The following ZDHHC3 variants were observed in gnomAD, a reference collection of about 807,000 sequenced individuals.
The protein encoded by ZDHHC3 is zDHHC palmitoyltransferase 3.
Under a neutral mutation model 30.6 loss-of-function variants are expected in ZDHHC3, and 9 were observed. That is an observed-to-expected ratio of 0.29 (90% CI 0.18 to 0.51). The LOEUF is 0.51. ZDHHC3 is among the 20% of genes least tolerant of loss of function. The probability of loss-of-function intolerance (pLI) is 0.97; values close to 1 mark genes in which losing one functional copy is unlikely to be tolerated. For synonymous variants in ZDHHC3, 136 were observed against 140.2 expected (o/e 0.97, Z 0.21); for missense variants, 246 against 384.2 (o/e 0.64, Z 3.01).
chr3:44,928,327 GTCC>G (rs1701185101), intron 6 of ZDHHC3, among the ~76,000 whole-genome samples: 1 of 152,126 alleles, frequency 6.6e-6, no homozygotes, highest in Admixed American at 6.5e-5. Context: ...TTCTTTGCAC[GTCC>G]TCCTCTAAGC....
At chr3:44,968,379 C>G (rs1038473994) in intron 1 of ZDHHC3, among the ~76,000 whole-genome samples, 7 of 152,140 alleles carry the variant, frequency 4.6e-5, no homozygotes, top group African/African-American at 1.7e-4. Flanking sequence ...CTTTCACTGG[C>G]TTCTGGGCAC....
At chr3:44,930,646 G>A (rs1365360508) in intron 5 of ZDHHC3, among the ~76,000 whole-genome samples, 1 of 152,254 alleles carries the variant, frequency 6.6e-6, no homozygotes, top group Non-Finnish European at 1.5e-5. Flanking sequence ...TCAAATGTGG[G>A]AATGAGCTTG....
Position 44,922,106 on chromosome 3 carries a change from G to T in ZDHHC3, c.*4583C>A. On this transcript the variant is annotated 3_prime_UTR_variant, in exon 7 of 7. Transcript: ENST00000424952. The stretch of plus-strand genomic sequence containing the variant: ...AGAAGGTTCAGGTTGGGAGTACGCT[G>T]GTCAGTGGCTTGTTTCTGCTTCACT... 1 of 985,428 alleles carries T rather than the reference G, an allele frequency of 1.0e-6. No homozygotes were observed. Among genetic ancestry groups the T allele is most frequent in the Non-Finnish European group, 1.2e-6 (1 of 829,936 alleles). 61.0% of individuals were successfully genotyped at this position (985,428 alleles called of 1,614,324 possible).
chr3:44,924,191 A>G lies in ZDHHC3; in HGVS notation c.*2498T>C, dbSNP rs1700811240. On this transcript the variant is annotated 3_prime_UTR_variant, in exon 7 of 7. Transcript: ENST00000424952. The stretch of plus-strand genomic sequence containing the variant: ...AAAGTTGGGGCTGACTTTGTGTAGA[A>G]AGATGTCCTCTTTCATTACATCCGG... 2 of 985,336 alleles carry G rather than the reference A, an allele frequency of 2.0e-6. No individual in the cohort carries two copies. Among genetic ancestry groups the G allele is most frequent in the Admixed American group, 1.2e-4 (2 of 16,268 alleles). 61.0% of individuals were successfully genotyped at this position (985,336 alleles called of 1,614,324 possible). A position where few individuals can be genotyped will look rare whatever the true frequency, so the allele number is the denominator to read the frequency against.
At chr3:44,963,910 T>C (rs556966449) in intron 1 of ZDHHC3, among the ~76,000 whole-genome samples, 10 of 152,224 alleles carry the variant, frequency 6.6e-5, no homozygotes, top group Non-Finnish European at 1.5e-4. Flanking sequence ...AGCCACTAAA[T>C]GCAAGGAGCT....
Position 44,959,066 on chromosome 3 carries a change from T to C in ZDHHC3, c.306+65A>G. 2 of 1,579,708 alleles carry C rather than the reference T, an allele frequency of 1.3e-6. No individual in the cohort carries two copies. The highest frequency in any genetic ancestry group is 1.7e-6 in the Non-Finnish European group (2 of 1,157,198). On this transcript the variant is annotated intron_variant, in intron 2 of 6. Transcript: ENST00000424952. This position sits in a 1 kb window ranked among gnomAD's most constrained non-coding sequence, Gnocchi z 4.3. Reference sequence around the variant, plus strand: ...CAAGGTCCAGGGGGAACATGCAGGCTGTGGCCATGCCAGAGCCAGAGGAGG... The same window carrying C: ...CAAGGTCCAGGGGGAACATGCAGGCCGTGGCCATGCCAGAGCCAGAGGAGG...
intron 2 of ZDHHC3, among the ~76,000 whole-genome samples, chr3:44,953,002 AACTCAAGCTGAAT>A (rs1450537414): frequency 6.6e-6 from 1 of 152,228 alleles, no homozygotes; most frequent in Admixed American, 6.5e-5. Context: ...TGTATTCAAT[AACTCAAGCTGAAT>A]AATGATACAT....
In ZDHHC3 at chr3:44,959,368, C is replaced by A. The variant is rs1214161431; in HGVS notation, c.69G>T (p.Lys23Asn). 2 of 1,614,124 alleles carry A rather than the reference C, an allele frequency of 1.2e-6. No individual in the cohort carries two copies. Among genetic ancestry groups the A allele is most frequent in the African/African-American group, 2.7e-5 (2 of 74,936 alleles). ...GACCAGGGTAGGGGGGTGGGACACACTTCTCTGGCTGGAGGTATTCTGGTT... is the reference window on the plus strand; with the variant it reads ...GACCAGGGTAGGGGGGTGGGACACAATTCTCTGGCTGGAGGTATTCTGGTT... ...ERKPEYLQPE[K>N]CVPPPYPGPV... The change falls in exon 2 of 7, where the codon AAG becomes AAT. Residue 23 changes from lysine to asparagine, a missense_variant. By Grantham distance (94) the Lys-to-Asn change is moderately conservative. Coordinates refer to ENST00000424952, the MANE Select transcript of ZDHHC3 (RefSeq NM_001135179.2). This position sits in a 1 kb window ranked among gnomAD's most constrained non-coding sequence, Gnocchi z 4.3.
At position 44,925,419 on chromosome 3, in the gene ZDHHC3, ATT is replaced by A; in HGVS notation, c.*1268_*1269del. The A allele has an allele frequency of 1.0e-6, 1 of 985,600 alleles. No individual in the cohort carries two copies. The highest frequency in any genetic ancestry group is 1.2e-6 in the Non-Finnish European group (1 of 829,932). The allele number at this position is 985,600 out of a possible 1,614,324, so 61.1% of individuals were successfully genotyped here. A position where few individuals can be genotyped will look rare whatever the true frequency, so the allele number is the denominator to read the frequency against. On this transcript the variant is annotated 3_prime_UTR_variant, in exon 7 of 7. Coordinates refer to ENST00000424952, the MANE Select transcript of ZDHHC3 (RefSeq NM_001135179.2). ...GAATTCCCCGATGGTCAATAATCAT[ATT>A]TGTTATTTTTGCACTTGGAGGGCAC...
At chr3:44,963,529 CTG>C (rs1205770548) in intron 1 of ZDHHC3, among the ~76,000 whole-genome samples, 2 of 148,270 alleles carry the variant, frequency 1.3e-5, no homozygotes, top group Non-Finnish European at 3.0e-5. Context: ...ACGAAACAAA[CTG>C]TATATGTTCC....
intron 5 of ZDHHC3, among the ~76,000 whole-genome samples, chr3:44,929,673 C>A (rs1297443870): frequency 1.3e-5 from 2 of 152,246 alleles, no homozygotes; most frequent in Non-Finnish European, 2.9e-5. Context: ...CTTCCCTTCC[C>A]TAACACAAAT....
chr3:44,938,102 G>T (rs1702133113), intron 3 of ZDHHC3: 1 of 239,662 alleles, frequency 4.2e-6, no homozygotes, highest in Admixed American at 4.6e-5. Context: ...TCCTGCCTCA[G>T]CCTCCCAAGT....
chr3:44,920,429 A>ACGGC lies in ZDHHC3; in HGVS notation c.*6259_*6260insGCCG. ...TACAGAGGAAACACCCAAAAATGAC[A>ACGGC]GACTGGCTGCATCCACACTGACTTG... On this transcript the variant is annotated 3_prime_UTR_variant, in exon 7 of 7. Coordinates refer to ENST00000424952, the MANE Select transcript of ZDHHC3 (RefSeq NM_001135179.2). The ACGGC allele has an allele frequency of 7.9e-7, 1 of 1,263,596 alleles. No individual in the cohort carries two copies. Among genetic ancestry groups the ACGGC allele is most frequent in the Non-Finnish European group, 1.0e-6 (1 of 971,826 alleles). 78.3% of individuals were successfully genotyped at this position (1,263,596 alleles called of 1,614,324 possible).
chr3:44,945,983 G>A (rs1702896194), intron 2 of ZDHHC3, among the ~76,000 whole-genome samples: 1 of 152,140 alleles, frequency 6.6e-6, no homozygotes, highest in African/African-American at 2.4e-5. Flanking sequence ...TTGGCTCACT[G>A]ACTATTTTTT....
At chr3:44,957,135 C>A (rs1287650029) in intron 2 of ZDHHC3, among the ~76,000 whole-genome samples, 1 of 152,198 alleles carries the variant, frequency 6.6e-6, no homozygotes, top group African/African-American at 2.4e-5. Context: ...CTTCTTAGAC[C>A]ACCTTGATCT....
At chr3:44,955,109 G>A (rs549269832) in intron 2 of ZDHHC3, among the ~76,000 whole-genome samples, 1 of 152,168 alleles carries the variant, frequency 6.6e-6, no homozygotes, top group East Asian at 1.9e-4. Context: ...TTGTGCTCCT[G>A]CCCACACCCA....
In ZDHHC3 at chr3:44,923,592, G is replaced by T; in HGVS notation, c.*3097C>A. On this transcript the variant is annotated 3_prime_UTR_variant, in exon 7 of 7. Transcript: ENST00000424952. Reference sequence around the variant, plus strand: ...TAAGGCAGGAAAATTGCTGGAGGCCGGGCATTTGAGACTAGCTAGGGCAAC... The same window carrying T: ...TAAGGCAGGAAAATTGCTGGAGGCCTGGCATTTGAGACTAGCTAGGGCAAC... 1.7e-5 allele frequency: 16 copies of T among 965,092 alleles called. No homozygotes were observed. Among genetic ancestry groups the T allele is most frequent in the Non-Finnish European group, 1.8e-5 (15 of 811,662 alleles). 59.8% of individuals were successfully genotyped at this position (965,092 alleles called of 1,614,324 possible).
At position 44,917,776 on chromosome 3, in the gene ZDHHC3, G is replaced by T; in HGVS notation, c.*8913C>A. 8.5e-7 allele frequency: 1 copy of T among 1,180,338 alleles called. No homozygotes were observed. The allele number at this position is 1,180,338 out of a possible 1,614,324, so 73.1% of individuals were successfully genotyped here. The stretch of plus-strand genomic sequence containing the variant: ...GGGAAATGGCAAGGCCAAGCGAGTG[G>T]CTAAGGGAAGCACTGGGGGTGCTGG... On this transcript the variant is annotated 3_prime_UTR_variant, in exon 7 of 7. Coordinates refer to ENST00000424952, the MANE Select transcript of ZDHHC3 (RefSeq NM_001135179.2).
intron 1 of ZDHHC3, among the ~76,000 whole-genome samples, chr3:44,965,527 C>A (rs1352979245): frequency 1.3e-5 from 2 of 152,110 alleles, no homozygotes; most frequent in Non-Finnish European, 2.9e-5. Context: ...ACTGGCCTGG[C>A]CAAGTGTTGA....
Sources: gnomAD v4.1 joint callset for allele counts (sites outside exome capture counted in the v4.1 genomes callset) on GRCh38, gnomAD v4.1.1 for gene constraint, Gnocchi (gnomAD v3.1) non-coding constraint, MANE v1.5 for transcripts, NCBI Gene and HGNC (gene_info 2026-07-23, HGNC 2026-07-21) for gene names.